Variants in DYNC1I1 observed in about 807,000 individuals in gnomAD.
DYNC1I1 encodes cytoplasmic dynein 1 intermediate chain 1.
A neutral mutation model predicts 86.6 loss-of-function variants in DYNC1I1; 43 were observed. That is an observed-to-expected ratio of 0.50 (90% CI 0.39 to 0.64). The LOEUF (loss-of-function observed/expected upper bound fraction) is 0.64. Ranked by LOEUF, DYNC1I1 falls within the 30% of genes least tolerant of loss-of-function variation. The pLI is 0.00. For synonymous variants in DYNC1I1, 262 were observed against 283.7 expected (o/e 0.92, Z 0.77); for missense variants, 604 against 788.8 (o/e 0.77, Z 2.81).
chr7:96,097,176 GA>G lies in DYNC1I1; in HGVS notation c.1777-300del, dbSNP rs1182018392. ...TTCACTGTAAGTCTGGTCTTCTTAT[GA>G]AAAAAATTTCATTACTAAAAGCACT... On this transcript the variant is annotated intron_variant, in intron 16 of 16. Coordinates refer to ENST00000447467, the MANE Select transcript of DYNC1I1 (RefSeq NM_001135556.2). Among the ~76,000 whole-genome samples, 7 of 152,048 alleles carry G rather than the reference GA, an allele frequency of 4.6e-5. No individual in the cohort carries two copies. The South Asian group carries it at 6.2e-4, about 14-fold the overall frequency.
chr7:95,801,957 C>T (rs528184829), intron 1 of DYNC1I1, among the ~76,000 whole-genome samples: 1 of 152,274 alleles, frequency 6.6e-6, no homozygotes, highest in East Asian at 1.9e-4. Context: ...GAGGACAGGG[C>T]ATTTCCTCTC....
At position 95,891,660 on chromosome 7, in the gene DYNC1I1, T is replaced by C. The variant is rs573125138; in HGVS notation, c.490+21662T>C. Among the ~76,000 whole-genome samples, 4 of 152,316 alleles carry C rather than the reference T, an allele frequency of 2.6e-5. No homozygotes were observed. In the South Asian group the frequency reaches 8.3e-4, roughly 32 times the overall value. ...AATGTTCTTGCATATTCAGTGTCTT[T>C]ATGAATAGTATACCAAATATACAGG... On this transcript the variant is annotated intron_variant, in intron 6 of 16. Coordinates refer to ENST00000447467, the MANE Select transcript of DYNC1I1 (RefSeq NM_001135556.2).
At chr7:96,011,317 C>T (rs1584248998) in intron 10 of DYNC1I1, among the ~76,000 whole-genome samples, 1 of 152,114 alleles carries the variant, frequency 6.6e-6, no homozygotes, top group East Asian at 1.9e-4. Context: ...TTTTAGGGCT[C>T]ATGCTCAAGA....
chr7:96,008,384 A>G (rs1370915706), intron 10 of DYNC1I1, among the ~76,000 whole-genome samples: 1 of 152,150 alleles, frequency 6.6e-6, no homozygotes, highest in Non-Finnish European at 1.5e-5. Flanking sequence ...TGTATAAGAA[A>G]GGAGAGGTAG....
intron 5 of DYNC1I1, among the ~76,000 whole-genome samples, chr7:95,844,383 A>G (rs1789371100): frequency 6.6e-6 from 1 of 152,196 alleles, no homozygotes; most frequent in South Asian, 2.1e-4. Flanking sequence ...TTTTATTTTC[A>G]ATGTTTGAGA....
At chr7:95,785,950 TCTCA>T (rs1481856105) in intron 1 of DYNC1I1, among the ~76,000 whole-genome samples, 3 of 151,732 alleles carry the variant, frequency 2.0e-5, no homozygotes, top group Non-Finnish European at 2.9e-5. Context: ...ACACTTAATT[TCTCA>T]CTCATTCTAT....
intron 14 of DYNC1I1, among the ~76,000 whole-genome samples, chr7:96,071,216 C>G (rs1790148733): frequency 6.6e-6 from 1 of 152,152 alleles, no homozygotes; most frequent in East Asian, 1.9e-4. Context: ...GTGATATGAA[C>G]TCCACAAAAC....
At chr7:96,010,316 G>A (rs1264842763) in intron 10 of DYNC1I1, among the ~76,000 whole-genome samples, 3 of 152,154 alleles carry the variant, frequency 2.0e-5, no homozygotes, top group Non-Finnish European at 2.9e-5. Context: ...GTTCGTTTGT[G>A]GAAAAGGGCT....
chr7:95,827,931 G>A, intron 4 of DYNC1I1, 126 bp from the exon 5 acceptor site: 1 of 818,934 alleles, frequency 1.2e-6, no homozygotes, highest in South Asian at 1.8e-5. Flanking sequence ...GGGATGGAAG[G>A]GGGACATGTT....
At chr7:96,068,732 G>A (rs1011681551) in intron 14 of DYNC1I1, among the ~76,000 whole-genome samples, 1 of 152,172 alleles carries the variant, frequency 6.6e-6, no homozygotes, top group Admixed American at 6.5e-5. Flanking sequence ...GAATCAAAGT[G>A]TAATCCATAG....
At chr7:95,986,994 T>A in intron 8 of DYNC1I1, 62 bp from the exon 9 acceptor site, 1 of 1,483,174 alleles carries the variant, frequency 6.7e-7, no homozygotes, top group African/African-American at 1.4e-5. Flanking sequence ...ATATCAGTGC[T>A]TCTATATGAG....
intron 14 of DYNC1I1, among the ~76,000 whole-genome samples, chr7:96,050,093 A>G (rs1789357821): frequency 6.6e-6 from 1 of 152,146 alleles, no homozygotes; most frequent in Admixed American, 6.5e-5. Flanking sequence ...AAAAGCAAAC[A>G]ATTCGACAAC....
chr7:95,897,668 C>T (rs1164139135), intron 6 of DYNC1I1, among the ~76,000 whole-genome samples: 1 of 151,860 alleles, frequency 6.6e-6, no homozygotes, highest in Non-Finnish European at 1.5e-5. Context: ...GATCTGCTTG[C>T]TGTGCAGAGC....
rs1791060327 is a variant in DYNC1I1 at position 96,097,749 on chromosome 7, G to A, written c.*156G>A. The stretch of plus-strand genomic sequence containing the variant: ...CAGCTTTGCTCCAAGTATTCTAAAT[G>A]TGTCCCATCATGCTTTCCACTGACC... On this transcript the variant is annotated 3_prime_UTR_variant, in exon 17 of 17. Coordinates refer to ENST00000447467, the MANE Select transcript of DYNC1I1 (RefSeq NM_001135556.2). 3.6e-6 allele frequency: 5 copies of A among 1,377,072 alleles called. No individual in the cohort carries two copies. Among genetic ancestry groups the A allele is most frequent in the South Asian group, 3.8e-5 (2 of 53,080 alleles). 85.3% of individuals were successfully genotyped at this position (1,377,072 alleles called of 1,614,324 possible).
At chr7:95,921,998 C>G (rs1791622656) in intron 6 of DYNC1I1, among the ~76,000 whole-genome samples, 1 of 152,126 alleles carries the variant, frequency 6.6e-6, no homozygotes, top group Non-Finnish European at 1.5e-5. Context: ...CTAGAACACA[C>G]TTGAATTTTC....
At chr7:95,876,903 T>A (rs1227035850) in intron 6 of DYNC1I1, among the ~76,000 whole-genome samples, 4 of 151,870 alleles carry the variant, frequency 2.6e-5, no homozygotes, top group Non-Finnish European at 5.9e-5. Context: ...GCACAACTAT[T>A]TAAAATATCT....
chr7:95,829,139 T>G (rs1207459368), intron 5 of DYNC1I1, among the ~76,000 whole-genome samples: 1 of 152,184 alleles, frequency 6.6e-6, no homozygotes, highest in Non-Finnish European at 1.5e-5. Flanking sequence ...ATTTACTTAT[T>G]ATTCATTTTG....
At chr7:95,890,559 A>G (rs1180809210) in intron 6 of DYNC1I1, among the ~76,000 whole-genome samples, 1 of 152,148 alleles carries the variant, frequency 6.6e-6, no homozygotes, top group African/African-American at 2.4e-5. Context: ...CATATAAAAA[A>G]CCTTCAGATG....
At chr7:95,991,627 A>T (rs894709969) in intron 9 of DYNC1I1, among the ~76,000 whole-genome samples, 2 of 152,000 alleles carry the variant, frequency 1.3e-5, no homozygotes, top group African/African-American at 4.8e-5. Flanking sequence ...CCTGCAATTA[A>T]TTAATTATCC....
Sources: gnomAD v4.1 joint callset for allele counts (sites outside exome capture counted in the v4.1 genomes callset) on GRCh38, gnomAD v4.1.1 for gene constraint, MANE v1.5 for transcripts, NCBI Gene and HGNC (gene_info 2026-07-23, HGNC 2026-07-21) for gene names.